Variants in ENTREP2 observed in about 807,000 individuals in gnomAD.
ENTREP2 encodes the protein endosomal transmembrane epsin interactor 2, also known as protein ENTREP2.
the ENTREP2 span, chr15:29,266,520 G>A: frequency 2.0e-5 from 3 of 152,274 alleles, no homozygotes; most frequent in South Asian, 6.2e-4. Context: ...CAGACATTAA[G>A]GAATGGATAG....
chr15:29,465,053 GC>G, the ENTREP2 span, among the ~76,000 whole-genome samples: 2 of 152,068 alleles, frequency 1.3e-5, no homozygotes, highest in African/African-American at 4.8e-5. Flanking sequence ...AGGAGGAGCA[GC>G]CCCTTCACCT....
At chr15:29,371,431 T>TA in the ENTREP2 span, among the ~76,000 whole-genome samples, 1 of 151,526 alleles carries the variant, frequency 6.6e-6, no homozygotes, top group Non-Finnish European at 1.5e-5. Flanking sequence ...TTCATTAACA[T>TA]AGTCCTTCTT....
chr15:29,349,434 C>T, the ENTREP2 span, among the ~76,000 whole-genome samples: 5 of 152,134 alleles, frequency 3.3e-5, no homozygotes, highest in African/African-American at 1.2e-4. Context: ...TGGCTTTTTG[C>T]ATCTCATGTA....
At chr15:29,181,253 C>A in the ENTREP2 span, among the ~76,000 whole-genome samples, 7 of 152,156 alleles carry the variant, frequency 4.6e-5, no homozygotes, top group Non-Finnish European at 1.0e-4. Flanking sequence ...TCCACTGAAT[C>A]AGTACTTAAC....
the ENTREP2 span, among the ~76,000 whole-genome samples, chr15:29,649,339 A>C: frequency 6.6e-6 from 1 of 152,234 alleles, no homozygotes; most frequent in Admixed American, 6.5e-5. Context: ...CTTAGGAGTT[A>C]TTTATGATGA....
chr15:29,223,784 A>G, the ENTREP2 span, among the ~76,000 whole-genome samples: 22 of 152,240 alleles, frequency 1.4e-4, no homozygotes, highest in African/African-American at 5.1e-4. Context: ...CCCTTTCCCC[A>G]GTCCCTGCAA....
the ENTREP2 span, among the ~76,000 whole-genome samples, chr15:29,277,189 C>T: frequency 1.2e-4 from 18 of 152,074 alleles, no homozygotes; most frequent in African/African-American, 4.1e-4. Flanking sequence ...ACTAAAAATA[C>T]AAAAATTAGC....
At chr15:29,563,445 T>C in the ENTREP2 span, among the ~76,000 whole-genome samples, 1 of 152,240 alleles carries the variant, frequency 6.6e-6, no homozygotes, top group Non-Finnish European at 1.5e-5. Flanking sequence ...GTCTTCATTT[T>C]TGAAACTCAT....
At chr15:29,321,726 C>T in the ENTREP2 span, among the ~76,000 whole-genome samples, 1 of 150,910 alleles carries the variant, frequency 6.6e-6, no homozygotes, top group Non-Finnish European at 1.5e-5. Flanking sequence ...GGAAATGTGT[C>T]ACCAGCAAAG....
the ENTREP2 span, among the ~76,000 whole-genome samples, chr15:29,609,389 T>A: frequency 2.0e-5 from 3 of 150,202 alleles, 1 homozygote; most frequent in Non-Finnish European, 4.4e-5. Flanking sequence ...GAAATTTAAT[T>A]ACCATTGTAA....
At chr15:29,451,636 C>T in the ENTREP2 span, among the ~76,000 whole-genome samples, 43 of 152,200 alleles carry the variant, frequency 2.8e-4, no homozygotes, top group African/African-American at 1.0e-3. Flanking sequence ...CCTCTGCCCA[C>T]CACGGGAGGG....
the ENTREP2 span, among the ~76,000 whole-genome samples, chr15:29,506,251 G>C: frequency 1.3e-5 from 2 of 152,122 alleles, no homozygotes; most frequent in African/African-American, 4.8e-5. Flanking sequence ...AGAAATATGG[G>C]ACTATGTGAA....
At chr15:29,438,868 C>A in the ENTREP2 span, among the ~76,000 whole-genome samples, 1 of 152,110 alleles carries the variant, frequency 6.6e-6, no homozygotes, top group African/African-American at 2.4e-5. Context: ...TAAACAGAAA[C>A]ACACATGAAA....
the ENTREP2 span, among the ~76,000 whole-genome samples, chr15:29,402,331 T>C: frequency 2.9e-4 from 44 of 151,572 alleles, no homozygotes; most frequent in African/African-American, 8.5e-4. Flanking sequence ...TATATGTATA[T>C]TGGAGACAAG....
At chr15:29,593,854 G>C in the ENTREP2 span, among the ~76,000 whole-genome samples, 11 of 152,106 alleles carry the variant, frequency 7.2e-5, no homozygotes, top group South Asian at 2.1e-4. Context: ...TCTTGATTGT[G>C]GTGGTTACAT....
chr15:29,311,290 C>A, the ENTREP2 span, among the ~76,000 whole-genome samples: 3 of 152,098 alleles, frequency 2.0e-5, no homozygotes, highest in African/African-American at 4.8e-5. Flanking sequence ...ACAGTCTGAT[C>A]GTTTCTGGAT....
At chr15:29,490,105 G>C in the ENTREP2 span, among the ~76,000 whole-genome samples, 1 of 152,192 alleles carries the variant, frequency 6.6e-6, no homozygotes, top group African/African-American at 2.4e-5. Flanking sequence ...GTGCGGAATT[G>C]GTGGGTTCTC....
At chr15:29,661,894 TA>T in the ENTREP2 span, among the ~76,000 whole-genome samples, 3 of 152,168 alleles carry the variant, frequency 2.0e-5, no homozygotes, top group African/African-American at 7.2e-5. Flanking sequence ...CATGTCTACC[TA>T]AGACATCAGA....
chr15:29,166,345 A>G, the ENTREP2 span, among the ~76,000 whole-genome samples: 3 of 152,304 alleles, frequency 2.0e-5, no homozygotes, highest in East Asian at 5.8e-4. Flanking sequence ...AGAAAGAAAT[A>G]CAGGGCATCC....
Sources: gnomAD v4.1 joint callset for allele counts (sites outside exome capture counted in the v4.1 genomes callset) on GRCh38, gnomAD v4.1.1 for gene constraint, MANE v1.5 for transcripts, NCBI Gene and HGNC (gene_info 2026-07-23, HGNC 2026-07-21) for gene names.